Variants in ZFHX4 observed in about 807,000 individuals in gnomAD.
The protein encoded by ZFHX4 is zinc finger homeobox protein 4.
In ZFHX4, 56 loss-of-function variants were observed where a neutral mutation model predicts 267.6. The ratio of observed to expected loss-of-function variants is 0.21; its 90% confidence interval spans 0.17 to 0.26. The LOEUF (loss-of-function observed/expected upper bound fraction) is 0.26, where lower values mean the gene tolerates loss of function less well. Among genes scored for constraint, ZFHX4 ranks in the 10% least tolerant of loss-of-function variants. ZFHX4 has a pLI of 1.00. For synonymous variants in ZFHX4, 1,778 were observed against 1,665.6 expected (o/e 1.07, Z -1.64); for missense variants, 4,332 against 4,420.0 (o/e 0.98, Z 0.56).
chr8:76,754,107 G>C (rs1043696729), intron 3 of ZFHX4, among the ~76,000 whole-genome samples: 1 of 152,140 alleles, frequency 6.6e-6, no homozygotes, highest in African/African-American at 2.4e-5. Flanking sequence ...CTTGGCATTT[G>C]AGAAATGTGA....
intron 1 of ZFHX4, among the ~76,000 whole-genome samples, chr8:76,701,406 A>G (rs1808099756): frequency 6.6e-6 from 1 of 152,116 alleles, no homozygotes; most frequent in African/African-American, 2.4e-5. Flanking sequence ...GTACCAAAAT[A>G]TATCCTACCA....
At chr8:76,735,183 C>T (rs1809126523) in intron 3 of ZFHX4, among the ~76,000 whole-genome samples, 1 of 152,080 alleles carries the variant, frequency 6.6e-6, no homozygotes. Context: ...TTATGCTGTT[C>T]TTATTGTACA....
chr8:76,863,674 A>G lies in ZFHX4; in HGVS notation c.9960A>G (p.Gln3320=), dbSNP rs187554888. ...CAGGTGCACTGTTGCAGCAGTACCA[A>G]CAGTATCAGCAGAACCTGCAGGAGT... is the stretch of plus-strand genomic sequence containing the variant. ...LSPGALLQQY[Q]QYQQNLQESL... Residue 3320 remains glutamine (Q), a synonymous_variant, in exon 11 of 11, where the codon CAA becomes CAG. Coordinates refer to ENST00000651372, the MANE Select transcript of ZFHX4 (RefSeq NM_024721.5). The G allele has an allele frequency of 3.0e-3, 4,840 of 1,603,882 alleles. 12 individuals carry two copies. The highest frequency in any genetic ancestry group is 3.6e-3 in the Non-Finnish European group (4,182 of 1,174,606).
At chr8:76,689,524 G>T (rs892849771) in intron 1 of ZFHX4, among the ~76,000 whole-genome samples, 1 of 152,128 alleles carries the variant, frequency 6.6e-6, no homozygotes, top group East Asian at 1.9e-4. Context: ...ATATAACCAA[G>T]ATCTTAGTGC....
chr8:76,707,043 G>A (rs1453292415), intron 2 of ZFHX4, among the ~76,000 whole-genome samples: 3 of 152,160 alleles, frequency 2.0e-5, no homozygotes, highest in Admixed American at 6.5e-5. Flanking sequence ...AGCTTTAAAA[G>A]GGTATAGCAT....
chr8:76,846,926 G>A (rs747862992), intron 6 of ZFHX4, among the ~76,000 whole-genome samples: 1 of 152,128 alleles, frequency 6.6e-6, no homozygotes, highest in Non-Finnish European at 1.5e-5. Context: ...CAGGGACCTG[G>A]ATCGACTTAT....
At chr8:76,724,592 T>C (rs904808672) in intron 3 of ZFHX4, among the ~76,000 whole-genome samples, 1 of 152,108 alleles carries the variant, frequency 6.6e-6, no homozygotes, top group Admixed American at 6.6e-5. Flanking sequence ...GTCTGGCACT[T>C]TAGTGAACTG....
intron 3 of ZFHX4, among the ~76,000 whole-genome samples, chr8:76,752,273 T>C (rs1809632743): frequency 6.6e-6 from 1 of 151,904 alleles, no homozygotes; most frequent in East Asian, 1.9e-4. Context: ...AATGTCTAAC[T>C]ATATTTAGTA....
chr8:76,705,319 C>T lies in ZFHX4; in HGVS notation c.1231C>T (p.Leu411=), dbSNP rs1022368685. The T allele has an allele frequency of 6.2e-7, 1 of 1,614,000 alleles. No homozygotes were observed. Among genetic ancestry groups the T allele is most frequent in the South Asian group, 1.1e-5 (1 of 91,078 alleles). The change falls in exon 2 of 11, where the codon CTG becomes TTG. Residue 411 remains leucine, a synonymous_variant. Coordinates refer to ENST00000651372, the MANE Select transcript of ZFHX4 (RefSeq NM_024721.5). ...AAAGGCTGAAGTGAATCTGGGGGGG[C>T]TGTCTAGTTTAGTAGTGAACACCCC... ...MPKAEVNLGG[L]SSLVVNTPIT... is the part of the protein sequence containing the mutation.
At chr8:76,841,655 C>T (rs1011329476) in intron 5 of ZFHX4, among the ~76,000 whole-genome samples, 6 of 152,110 alleles carry the variant, frequency 3.9e-5, no homozygotes, top group Admixed American at 2.6e-4. Flanking sequence ...TGAAATTGAG[C>T]CTGGTGCTTC....
chr8:76,790,801 G>A (rs572962233), intron 4 of ZFHX4, among the ~76,000 whole-genome samples: 10 of 152,208 alleles, frequency 6.6e-5, no homozygotes, highest in African/African-American at 2.4e-4. Context: ...TAATTCCCAA[G>A]TTGGAACAAT....
chr8:76,852,907 T>A lies in ZFHX4; in HGVS notation c.5986T>A (p.Ser1996Thr). The A allele has an allele frequency of 6.2e-7, 1 of 1,609,804 alleles. No homozygotes were observed. The highest frequency in any genetic ancestry group is 8.5e-7 in the Non-Finnish European group (1 of 1,177,830). The change falls in exon 10 of 11, where the codon TCT becomes ACT. Residue 1996 changes from serine (S) to threonine (T), a missense_variant. This residue lies in a region of ZFHX4 where 1,371 missense variants were observed against 1,423.1 expected (regional missense o/e 0.96). Coordinates refer to ENST00000651372, the MANE Select transcript of ZFHX4 (RefSeq NM_024721.5). ...GGCCTATGACAAGCTTTATCCAATTTCTCCATCTTCTCCAGAAACGCCGCC... is the reference window on the plus strand; with the variant it reads ...GGCCTATGACAAGCTTTATCCAATTACTCCATCTTCTCCAGAAACGCCGCC... ...REAYDKLYPI[S>T]PSSPETPPPP...
intron 4 of ZFHX4, among the ~76,000 whole-genome samples, chr8:76,791,654 A>G (rs1315819699): frequency 6.6e-6 from 1 of 152,128 alleles, no homozygotes; most frequent in Middle Eastern, 3.2e-3. Context: ...CTATATGAGT[A>G]TGGAGAAAAC....
chr8:76,829,172 C>T (rs983922296), intron 4 of ZFHX4, among the ~76,000 whole-genome samples: 19 of 151,286 alleles, frequency 1.3e-4, no homozygotes, highest in African/African-American at 3.9e-4. Context: ...TTATAATTCT[C>T]TGCATAAATA....
Position 76,692,727 on chromosome 8 carries a change from A to C in ZFHX4, c.-47+11107A>C, listed in dbSNP as rs186483137. On this transcript the variant is annotated intron_variant, in intron 1 of 10. Coordinates refer to ENST00000651372, the MANE Select transcript of ZFHX4 (RefSeq NM_024721.5). The stretch of plus-strand genomic sequence containing the variant: ...TCTGTTTATTTTTAATACATTTTTC[A>C]TTGCGATACATGTAAGATACACATT... 1.1e-3 allele frequency among the ~76,000 whole-genome samples: 172 copies of C among 152,200 alleles called. 1 individual carries two copies. The highest frequency in any genetic ancestry group is 3.7e-3 in the African/African-American group (155 of 41,548).
At chr8:76,827,406 C>T (rs765085428) in intron 4 of ZFHX4, among the ~76,000 whole-genome samples, 4 of 152,130 alleles carry the variant, frequency 2.6e-5, no homozygotes, top group Non-Finnish European at 5.9e-5. Context: ...GAGCCACAGC[C>T]GCAGGGTTAG....
chr8:76,854,658 A>G lies in ZFHX4; in HGVS notation c.7737A>G (p.Lys2579=). The part of the protein sequence containing the change: ...TAPTTVAASL[K]RKLDDKEDNN... ...CCACAACGGTTGCTGCTTCCCTAAA[A>G]AGGAAACTAGACGATAAAGAAGATA... The change falls in exon 10 of 11, where the codon AAA becomes AAG. Residue 2579 remains lysine (K), a synonymous_variant. Coordinates refer to ENST00000651372, the MANE Select transcript of ZFHX4 (RefSeq NM_024721.5). 6.2e-7 allele frequency: 1 copy of G among 1,613,744 alleles called. No individual in the cohort carries two copies. Among genetic ancestry groups the G allele is most frequent in the Non-Finnish European group, 8.5e-7 (1 of 1,179,850 alleles).
intron 4 of ZFHX4, 132 bp downstream of exon 4, chr8:76,778,571 C>A (rs1177979177): frequency 4.1e-6 from 3 of 737,148 alleles, no homozygotes; most frequent in Non-Finnish European, 6.9e-6. Context: ...TAAAACACGG[C>A]AGCTCTTAAT....
intron 6 of ZFHX4, among the ~76,000 whole-genome samples, chr8:76,844,648 T>C (rs1812319874): frequency 6.6e-6 from 1 of 152,134 alleles, no homozygotes; most frequent in South Asian, 2.1e-4. Flanking sequence ...CAGACAAGAC[T>C]TGGGCATTTG....
Sources: gnomAD v4.1 joint callset for allele counts (sites outside exome capture counted in the v4.1 genomes callset) on GRCh38, gnomAD v4.1.1 for gene constraint, gnomAD v4.1.1 regional missense constraint, MANE v1.5 for transcripts, NCBI Gene and HGNC (gene_info 2026-07-23, HGNC 2026-07-21) for gene names.